The following TXNL1 variants were observed in gnomAD, a reference collection of about 807,000 sequenced individuals.
The protein encoded by TXNL1 is thioredoxin-like protein 1.
In TXNL1, 14 loss-of-function variants were observed where a neutral mutation model predicts 35.5. The observed-to-expected ratio is 0.39, with a 90% CI of 0.26 to 0.62. The LOEUF is 0.62. Among genes scored for constraint, TXNL1 ranks in the 20% least tolerant of loss-of-function variants. The pLI is 0.47. For synonymous variants in TXNL1, 110 were observed against 115.5 expected, an observed-to-expected ratio of 0.95 and a Z score of 0.31; for missense variants, 263 against 349.7, an observed-to-expected ratio of 0.75 and a Z score of 1.98.
intron 1 of TXNL1, among the ~76,000 whole-genome samples, chr18:56,631,182 T>C (rs982491713): frequency 3.3e-5 from 5 of 152,108 alleles, no homozygotes; most frequent in Admixed American, 6.5e-5. Context: ...GCCCAGCCAA[T>C]TGATCATTTT....
chr18:56,630,893 C>CTT, intron 1 of TXNL1, among the ~76,000 whole-genome samples: 1 of 142,808 alleles, frequency 7.0e-6, no homozygotes, highest in African/African-American at 2.5e-5. Flanking sequence ...TTTCTTTTTT[C>CTT]TTTTTTTTTT....
At chr18:56,616,113 T>C (rs986902198) in intron 5 of TXNL1, 132 bp downstream of exon 5, 1 of 711,540 alleles carries the variant, frequency 1.4e-6, no homozygotes, top group East Asian at 2.9e-5. Context: ...GCCTGGGCAA[T>C]AGCACAAGAC....
At chr18:56,616,099 T>C (rs2024081737) in intron 5 of TXNL1, 146 bp downstream of exon 5, 1 of 631,266 alleles carries the variant, frequency 1.6e-6, no homozygotes, top group African/African-American at 1.9e-5. Context: ...ACCACCGCAC[T>C]CCAGCCTGGG....
chr18:56,635,425 C>T (rs2144342764), intron 1 of TXNL1, among the ~76,000 whole-genome samples: 1 of 152,254 alleles, frequency 6.6e-6, no homozygotes, highest in East Asian at 1.9e-4. Flanking sequence ...TTATGTTATG[C>T]AGTTATAAAG....
At chr18:56,638,263 A>G (rs2024488507) in intron 1 of TXNL1, 80 bp downstream of exon 1, 1 of 1,424,448 alleles carries the variant, frequency 7.0e-7, no homozygotes, top group Non-Finnish European at 9.5e-7. Flanking sequence ...GCAGACGGCT[A>G]GGAAACCAGG....
chr18:56,607,398 C>A (rs1009439615), intron 7 of TXNL1, among the ~76,000 whole-genome samples: 1 of 151,526 alleles, frequency 6.6e-6, no homozygotes, highest in South Asian at 2.1e-4. Flanking sequence ...TTTAAGTGAT[C>A]TTCTAGCCTT....
At chr18:56,634,463 C>T (rs2024425602) in intron 1 of TXNL1, among the ~76,000 whole-genome samples, 1 of 152,154 alleles carries the variant, frequency 6.6e-6, no homozygotes, top group Non-Finnish European at 1.5e-5. Context: ...AATATAAGAG[C>T]TTAAACAAGT....
At chr18:56,627,935 G>A (rs866751981) in intron 1 of TXNL1, among the ~76,000 whole-genome samples, 1 of 150,320 alleles carries the variant, frequency 6.7e-6, no homozygotes, top group Non-Finnish European at 1.5e-5. Context: ...ATCAAAAAAT[G>A]TCTTTAAGAG....
chr18:56,634,366 C>T (rs767081205), intron 1 of TXNL1, among the ~76,000 whole-genome samples: 7 of 152,128 alleles, frequency 4.6e-5, no homozygotes, highest in Non-Finnish European at 7.4e-5. Context: ...GGACCTTAAA[C>T]AAATTATTTA....
chr18:56,616,658 T>C (rs12960964), intron 4 of TXNL1, among the ~76,000 whole-genome samples: 10,088 of 152,230 alleles, frequency 0.066, 524 homozygotes, highest in East Asian at 0.24. Context: ...AAACTAACAT[T>C]TTAGCACATA....
intron 3 of TXNL1, among the ~76,000 whole-genome samples, chr18:56,622,071 G>T (rs2024198094): frequency 1.3e-5 from 2 of 149,692 alleles, no homozygotes; most frequent in South Asian, 4.2e-4. Context: ...TATTCAATAT[G>T]ATACTCATTA....
intron 7 of TXNL1, among the ~76,000 whole-genome samples, chr18:56,605,945 A>T (rs2023885343): frequency 6.6e-6 from 1 of 152,264 alleles, no homozygotes; most frequent in African/African-American, 2.4e-5. Context: ...CAAGATAAAA[A>T]TATAAACTGA....
intron 7 of TXNL1, chr18:56,605,089 T>C (rs2023868623): frequency 6.8e-6 from 1 of 147,814 alleles, no homozygotes; most frequent in Non-Finnish European, 1.5e-5. Flanking sequence ...AAGCACCTAG[T>C]TGCAAGCCCA....
chr18:56,620,954 A>C (rs2024170367), intron 3 of TXNL1, among the ~76,000 whole-genome samples: 1 of 152,254 alleles, frequency 6.6e-6, no homozygotes, highest in Admixed American at 6.5e-5. Context: ...GCTACAGAGC[A>C]AAGTTTTACT....
chr18:56,636,880 T>C (rs562995292), intron 1 of TXNL1, among the ~76,000 whole-genome samples: 1 of 152,302 alleles, frequency 6.6e-6, no homozygotes, highest in Admixed American at 6.5e-5. Flanking sequence ...TATCTTCCCT[T>C]TTCTACTGTG....
chr18:56,599,725 T>C lies in TXNL1; in HGVS notation c.*3302A>G, dbSNP rs1235722673. The C allele has an allele frequency of 6.6e-6, 1 of 152,090 alleles. No homozygotes were observed. The highest frequency in any genetic ancestry group is 6.6e-5 in the Admixed American group (1 of 15,244). 9.4% of individuals were successfully genotyped at this position (152,090 alleles called of 1,614,324 possible). ...GGCACCTGCCACCATGCCTGGCTAA[T>C]TTTTTGTATTTTTAGTAGAGACAGG... is the stretch of plus-strand genomic sequence containing the variant. On this transcript the variant is annotated 3_prime_UTR_variant, in exon 8 of 8. Transcript: ENST00000217515.
intron 1 of TXNL1, among the ~76,000 whole-genome samples, chr18:56,633,607 G>A (rs1384339684): frequency 2.4e-5 from 3 of 123,040 alleles, no homozygotes; most frequent in Non-Finnish European, 3.3e-5. Context: ...GCAACAGAGC[G>A]AGACCCTGTC....
At chr18:56,613,360 C>T (rs2024027717) in intron 6 of TXNL1, among the ~76,000 whole-genome samples, 1 of 152,186 alleles carries the variant, frequency 6.6e-6, no homozygotes, top group South Asian at 2.1e-4. Flanking sequence ...CTGTCCTACC[C>T]ATTCCTCTAA....
intron 1 of TXNL1, among the ~76,000 whole-genome samples, chr18:56,628,162 G>A (rs915805308): frequency 6.6e-6 from 1 of 152,132 alleles, no homozygotes; most frequent in East Asian, 1.9e-4. Context: ...AGTCATCAGG[G>A]ATACCCGGGA....
Sources: gnomAD v4.1 joint callset for allele counts (sites outside exome capture counted in the v4.1 genomes callset) on GRCh38, gnomAD v4.1.1 for gene constraint, MANE v1.5 for transcripts, NCBI Gene and HGNC (gene_info 2026-07-23, HGNC 2026-07-21) for gene names.